Variants in INPP1 observed in about 807,000 individuals in gnomAD.
The protein encoded by INPP1 is inositol polyphosphate 1-phosphatase.
INPP1 carries 18 observed loss-of-function variants against 23.0 expected under a neutral mutation model. The observed-to-expected ratio is 0.78, with a 90% CI of 0.54 to 1.16. The LOEUF (loss-of-function observed/expected upper bound fraction) is 1.16, where lower values mean the gene tolerates loss of function less well. INPP1 is among the 50% of genes most tolerant of loss of function. INPP1 has a pLI of 0.00. For missense variants in INPP1, 448 were observed against 482.1 expected (o/e 0.93, Z 0.66); for synonymous variants, 164 against 176.3 (o/e 0.93, Z 0.55).
chr2:190,370,009 T>G (rs1689769213), intron 6 of INPP1, among the ~76,000 whole-genome samples: 1 of 152,224 alleles, frequency 6.6e-6, no homozygotes, highest in Non-Finnish European at 1.5e-5. Flanking sequence ...AGTTTATACC[T>G]CTTAAGTTTT....
intron 4 of INPP1, among the ~76,000 whole-genome samples, chr2:190,364,567 C>G (rs1289430793): frequency 7.2e-6 from 1 of 139,096 alleles, no homozygotes; most frequent in Non-Finnish European, 1.5e-5. Flanking sequence ...TTCAGTAGGT[C>G]TGGGGTGGCA....
chr2:190,359,127 C>G (rs945818419), intron 2 of INPP1, among the ~76,000 whole-genome samples: 3 of 152,044 alleles, frequency 2.0e-5, no homozygotes, highest in African/African-American at 4.8e-5. Context: ...TGGTAAAACT[C>G]CATCTCCACA....
chr2:190,359,697 A>C (rs1040593433), intron 2 of INPP1: 1 of 215,710 alleles, frequency 4.6e-6, no homozygotes, highest in Non-Finnish European at 9.4e-6. Context: ...GATCATTCTA[A>C]GGTCATTACA....
intron 4 of INPP1, among the ~76,000 whole-genome samples, chr2:190,364,895 C>T (rs1048980703): frequency 2.0e-5 from 3 of 152,054 alleles, no homozygotes; most frequent in Middle Eastern, 3.2e-3. Flanking sequence ...TGAGCCACCA[C>T]GCTCAGCCTA....
chr2:190,366,774 G>A lies in INPP1; in HGVS notation c.345G>A (p.Lys115=). ...ELLSKVLNGN[K]VASEALARVV... is the part of the protein sequence containing the mutation. ...TTAGCAAAGTCCTCAATGGTAACAA[G>A]GTGGCATCTGAAGCATTAGCCAGGG... Residue 115 remains lysine (K), a synonymous_variant, in exon 5 of 7, where the codon AAG becomes AAA. Transcript: ENST00000392329. 2.5e-6 allele frequency: 4 copies of A among 1,613,376 alleles called. No individual in the cohort carries two copies. Among genetic ancestry groups the A allele is most frequent in the Non-Finnish European group, 2.5e-6 (3 of 1,179,276 alleles).
At position 190,371,265 on chromosome 2, in the gene INPP1, G is replaced by A. The variant is rs35616200; in HGVS notation, c.1063G>A (p.Val355Met). ...GLDLPQLVYH[V>M]ENEGAAGVDR... The stretch of plus-strand genomic sequence containing the variant: ...TGATTTGCCACAGTTGGTGTACCAC[G>A]TGGAAAATGAGGGTGCTGCTGGGGT... Residue 355 changes from valine to methionine, a missense_variant, in exon 7 of 7, where the codon GTG (valine) becomes ATG (methionine). Val to Met is a conservative substitution (Grantham distance 21). Coordinates refer to ENST00000392329, the MANE Select transcript of INPP1 (RefSeq NM_001128928.2). The surrounding 1 kb of genome is among the most constrained non-coding windows in gnomAD (Gnocchi z 5.3). 6.2e-4 allele frequency: 1,004 copies of A among 1,612,468 alleles called. 4 individuals are homozygous for A. In the African/African-American group the frequency reaches 0.011, roughly 17 times the overall value.
In INPP1 at chr2:190,369,133, C is replaced by T. The variant is rs1341412766; in HGVS notation, c.497C>T (p.Ala166Val). 5 of 1,603,666 alleles carry T rather than the reference C, an allele frequency of 3.1e-6. No homozygotes were observed. In the South Asian group the frequency reaches 4.5e-5, roughly 14 times the overall value. ...ACTTATCAGTATATAAAAGGTTCTG[C>T]TGACATTAAATCCAACCAGGGAATC... The part of the protein sequence containing the change: ...DSTYQYIKGS[A>V]DIKSNQGIFP... The change falls in exon 6 of 7, where the codon GCT (alanine) becomes GTT (valine). Residue 166 changes from alanine (A) to valine (V), a missense_variant. By Grantham distance (64) the Ala-to-Val change is moderately conservative. Coordinates refer to ENST00000392329, the MANE Select transcript of INPP1 (RefSeq NM_001128928.2).
intron 1 of INPP1, among the ~76,000 whole-genome samples, chr2:190,347,368 A>T (rs1259389158): frequency 6.6e-6 from 1 of 152,122 alleles, no homozygotes; most frequent in East Asian, 1.9e-4. Context: ...AGAAAAAAAA[A>T]TTTATTTGGC....
intron 4 of INPP1, chr2:190,365,052 G>T (rs989298314): frequency 6.0e-6 from 1 of 167,992 alleles, no homozygotes; most frequent in Non-Finnish European, 1.5e-5. Flanking sequence ...TAGTTTTTAA[G>T]ATTTTTTTTC....
chr2:190,365,378 A>T (rs1361249285), intron 4 of INPP1, among the ~76,000 whole-genome samples: 1 of 152,268 alleles, frequency 6.6e-6, no homozygotes, highest in Non-Finnish European at 1.5e-5. Context: ...AGTTAAAAGC[A>T]ATATCATATA....
chr2:190,366,275 G>GTCTC (rs143015591), intron 4 of INPP1, among the ~76,000 whole-genome samples: 87,244 of 132,644 alleles, frequency 0.66, 27,971 homozygotes, highest in East Asian at 0.77. Flanking sequence ...CACTCTTCCT[G>GTCTC]TCTCTCTCTC....
At chr2:190,366,026 G>A (rs12616593) in intron 4 of INPP1, among the ~76,000 whole-genome samples, 3 of 67,836 alleles carry the variant, frequency 4.4e-5, no homozygotes, top group Admixed American at 1.6e-4. Flanking sequence ...GCTCTCTCTC[G>A]CTCGCTCTCT....
At chr2:190,347,289 G>A (rs1041292579) in intron 1 of INPP1, among the ~76,000 whole-genome samples, 3 of 151,860 alleles carry the variant, frequency 2.0e-5, no homozygotes, top group Non-Finnish European at 2.9e-5. Flanking sequence ...GGGATTACAG[G>A]CGTGAGCCAC....
Position 190,371,132 on chromosome 2 carries a change from T to C in INPP1, c.930T>C (p.Asp310=), listed in dbSNP as rs1393685267. ...TTGACATTTACATCTTTTCAGAAGATACCACATTCAAATGGGACTCTTGTG... is the reference window on the plus strand; with the variant it reads ...TTGACATTTACATCTTTTCAGAAGACACCACATTCAAATGGGACTCTTGTG... ...GLVDIYIFSE[D]TTFKWDSCAA... The change falls in exon 7 of 7, where the codon GAT becomes GAC. Residue 310 remains aspartate, a synonymous_variant. Coordinates refer to ENST00000392329, the MANE Select transcript of INPP1 (RefSeq NM_001128928.2). This position sits in a 1 kb window ranked among gnomAD's most constrained non-coding sequence, Gnocchi z 5.3. The C allele has an allele frequency of 6.2e-7, 1 of 1,614,100 alleles. No homozygotes were observed. Among genetic ancestry groups the C allele is most frequent in the African/African-American group, 1.3e-5 (1 of 74,930 alleles).
In INPP1 at chr2:190,371,295, C is replaced by A; in HGVS notation, c.1093C>A (p.Arg365=). Residue 365 remains arginine, a synonymous_variant, in exon 7 of 7, where the codon CGG becomes AGG. Coordinates refer to ENST00000392329, the MANE Select transcript of INPP1 (RefSeq NM_001128928.2). This position sits in a 1 kb window ranked among gnomAD's most constrained non-coding sequence, Gnocchi z 5.3. The part of the protein sequence containing the change: ...VENEGAAGVD[R]WANKGGLIAY... The stretch of plus-strand genomic sequence containing the variant: ...AAATGAGGGTGCTGCTGGGGTGGAT[C>A]GGTGGGCCAACAAGGGAGGACTCAT... 1 of 1,608,932 alleles carries A rather than the reference C, an allele frequency of 6.2e-7. No homozygotes were observed. Among genetic ancestry groups the A allele is most frequent in the Non-Finnish European group, 8.5e-7 (1 of 1,176,848 alleles).
intron 4 of INPP1, among the ~76,000 whole-genome samples, chr2:190,364,739 C>T (rs1689610750): frequency 6.6e-6 from 1 of 151,596 alleles, no homozygotes; most frequent in South Asian, 2.1e-4. Flanking sequence ...TACAGACATG[C>T]TAAGCTACCT....
At chr2:190,359,682 C>CCT (rs113646908) in intron 2 of INPP1, 67,587 of 170,182 alleles carry the variant, frequency 0.4, 15,696 homozygotes, top group African/African-American at 0.66. Flanking sequence ...TGCTGCTAAG[C>CCT]ATATGATCAT....
chr2:190,352,850 C>T lies in INPP1; in HGVS notation c.-65+3819C>T, dbSNP rs113533294. 2.6e-5 allele frequency among the ~76,000 whole-genome samples: 4 copies of T among 152,176 alleles called. No individual in the cohort carries two copies. Among genetic ancestry groups the T allele is most frequent in the Non-Finnish European group, 5.9e-5 (4 of 68,044 alleles). On this transcript the variant is annotated intron_variant, in intron 2 of 6. Transcript: ENST00000392329. The surrounding 1 kb of genome is among the most constrained non-coding windows in gnomAD (Gnocchi z 4.7). ...TCTTGTAAAACACCCAGATATTTCA[C>T]GGAAGCTTGGCCTTTTCCACTAGCA...
rs992652866 is a variant in INPP1 at position 190,346,570 on chromosome 2, A to T, written c.-208-2318A>T. Among the ~76,000 whole-genome samples the T allele has an allele frequency of 3.3e-5, 5 of 152,198 alleles. No homozygotes were observed. Among genetic ancestry groups the T allele is most frequent in the Non-Finnish European group, 7.3e-5 (5 of 68,034 alleles). ...ACTAATGCAGATTACTGTAACTAGT[A>T]ATCCACAGCAAAATATTGTACCTAA... On this transcript the variant is annotated intron_variant, in intron 1 of 6. Coordinates refer to ENST00000392329, the MANE Select transcript of INPP1 (RefSeq NM_001128928.2). The surrounding 1 kb of genome is among the most constrained non-coding windows in gnomAD (Gnocchi z 5.1).
Sources: gnomAD v4.1 joint callset for allele counts (sites outside exome capture counted in the v4.1 genomes callset) on GRCh38, gnomAD v4.1.1 for gene constraint, Gnocchi (gnomAD v3.1) non-coding constraint, MANE v1.5 for transcripts, NCBI Gene and HGNC (gene_info 2026-07-23, HGNC 2026-07-21) for gene names.